The following ERVMER34-1 variants were observed in gnomAD, a reference collection of about 807,000 sequenced individuals.
ERVMER34-1 encodes endogenous retrovirus group MER34 member 1, envelope, also known as endogenous retroviral envelope protein HEMO.
For missense variants in ERVMER34-1, 471 were observed against 295.1 expected, an observed-to-expected ratio of 1.60 and a Z score of -4.37; for synonymous variants, 199 against 111.7, an observed-to-expected ratio of 1.78 and a Z score of -4.93.
At chr4:52,747,225 T>C (rs971152663) in intron 2 of ERVMER34-1, among the ~76,000 whole-genome samples, 3 of 151,798 alleles carry the variant, frequency 2.0e-5, no homozygotes, top group Non-Finnish European at 4.4e-5. Flanking sequence ...TGAGACTCTG[T>C]CTAAAAAACA....
rs753934259 is a variant in ERVMER34-1, at chr4:52,745,072, C to T, written c.449G>A (p.Trp150Ter). Residue 150 changes from tryptophan to a stop codon, truncating the protein, a stop_gained, in exon 3 of 3, where the codon TGG becomes TAG. Coordinates refer to ENST00000443173, the MANE Select transcript of ERVMER34-1 (RefSeq NM_001242690.2). LOFTEE classifies it low-confidence loss of function (END_TRUNC). Reference sequence around the variant, plus strand: ...GAAGGTGCCATCTGTAGAATCAAACCATAGTATTTGATTACAGTATTGTTT... The same window carrying T: ...GAAGGTGCCATCTGTAGAATCAAACTATAGTATTTGATTACAGTATTGTTT... Reference protein sequence around the residue: ...IPKQYCNQILWFDSTDGTFMP... With the variant: ...IPKQYCNQIL The T allele has an allele frequency of 5.7e-6, 4 of 703,954 alleles. No homozygotes were observed. The highest frequency in any genetic ancestry group is 1.0e-5 in the Non-Finnish European group (4 of 384,996). The allele number at this position is 703,954 out of a possible 1,614,324, so 43.6% of individuals were successfully genotyped here.
Position 52,742,745 on chromosome 4 carries a change from C to G in ERVMER34-1, c.*1084G>C, listed in dbSNP as rs1023534665. On this transcript the variant is annotated 3_prime_UTR_variant, in exon 3 of 3. Coordinates refer to ENST00000443173, the MANE Select transcript of ERVMER34-1 (RefSeq NM_001242690.2). ...CATCCTGGCTAACACGGTGAAACCC[C>G]GTCTCTACTAAAAACACAAAAAATT... 4.0e-5 allele frequency: 6 copies of G among 151,896 alleles called. No homozygotes were observed. The highest frequency in any genetic ancestry group is 3.3e-4 in the Admixed American group (5 of 15,238). The allele number at this position is 151,896 out of a possible 1,614,324, so 9.4% of individuals were successfully genotyped here.
chr4:52,750,050 G>A (rs1312085381), intron 2 of ERVMER34-1, among the ~76,000 whole-genome samples: 1 of 152,114 alleles, frequency 6.6e-6, no homozygotes, highest in Non-Finnish European at 1.5e-5. Context: ...TCGGGCTGGA[G>A]TGCAGTGGTG....
At position 52,745,331 on chromosome 4, in the gene ERVMER34-1, T is replaced by C; in HGVS notation, c.190A>G (p.Ser64Gly). 1 of 704,090 alleles carries C rather than the reference T, an allele frequency of 1.4e-6. No homozygotes were observed. Among genetic ancestry groups the C allele is most frequent in the Admixed American group, 2.0e-5 (1 of 50,002 alleles). The allele number at this position is 704,090 out of a possible 1,614,324, so 43.6% of individuals were successfully genotyped here. A position where few individuals can be genotyped will look rare whatever the true frequency, so the allele number is the denominator to read the frequency against. ...GAATAGGTCCACCAGGTGCTTGCACTGGCAGGAACAAAAACTAGTTCGGGT... is the reference window on the plus strand; with the variant it reads ...GAATAGGTCCACCAGGTGCTTGCACCGGCAGGAACAAAAACTAGTTCGGGT... ...EQPELVFVPA[S>G]ASTWWTYSGQ... Residue 64 changes from serine (S) to glycine (G), a missense_variant, in exon 3 of 3, where the codon AGT becomes GGT. Physicochemically the swap from Ser to Gly is moderately conservative, Grantham distance 56 (BLOSUM62 0). Coordinates refer to ENST00000443173, the MANE Select transcript of ERVMER34-1 (RefSeq NM_001242690.2).
In ERVMER34-1 at chr4:52,750,927, T is replaced by C. The variant is rs1355847003; in HGVS notation, c.-424+3A>G. On this transcript the variant is annotated splice_donor_region_variant and intron_variant, in intron 2 of 2. Coordinates refer to ENST00000443173, the MANE Select transcript of ERVMER34-1 (RefSeq NM_001242690.2). ...TTCCTCCCGCTCAAGGGTAGGAACA[T>C]ACCTGCGCTTAAAACTGAGGCTGCC... 6.6e-6 allele frequency: 1 copy of C among 152,108 alleles called. No homozygotes were observed. The highest frequency in any genetic ancestry group is 2.4e-5 in the African/African-American group (1 of 41,384). The allele number at this position is 152,108 out of a possible 1,614,324, so 9.4% of individuals were successfully genotyped here. A position where few individuals can be genotyped will look rare whatever the true frequency, so the allele number is the denominator to read the frequency against.
In ERVMER34-1 at chr4:52,744,382, C is replaced by T; in HGVS notation, c.1139G>A (p.Gly380Glu). ...AATTGCCTTTTCTAAATCATAAGTT[C>T]CCAAACTTGGAAAAAGGGCCCTTAT... ...STIRALFPSL[G>E]TYDLEKAILN... The change falls in exon 3 of 3, where the codon GGA becomes GAA. Residue 380 changes from glycine to glutamate, a missense_variant. Gly to Glu is a moderately conservative substitution (Grantham distance 98). Transcript: ENST00000443173. 1 of 704,036 alleles carries T rather than the reference C, an allele frequency of 1.4e-6. No individual in the cohort carries two copies. The highest frequency in any genetic ancestry group is 2.7e-5 in the East Asian group (1 of 37,280). The allele number at this position is 704,036 out of a possible 1,614,324, so 43.6% of individuals were successfully genotyped here.
rs1464755193 is a variant in ERVMER34-1, at chr4:52,742,812, GGA to G, written c.*1015_*1016del. ...AGGCGCCTGTAGTCCCAGCTACTCAGGAGGGAGGCAGGAGAATGGCATGAACC... is the reference window on the plus strand; with the variant it reads ...AGGCGCCTGTAGTCCCAGCTACTCAGGGGAGGCAGGAGAATGGCATGAACC... On this transcript the variant is annotated 3_prime_UTR_variant, in exon 3 of 3. Transcript: ENST00000443173. 2 of 151,846 alleles carry G rather than the reference GGA, an allele frequency of 1.3e-5. No individual in the cohort carries two copies. Among genetic ancestry groups the G allele is most frequent in the Non-Finnish European group, 2.9e-5 (2 of 68,098 alleles). The allele number at this position is 151,846 out of a possible 1,614,324, so 9.4% of individuals were successfully genotyped here.
chr4:52,747,777 C>A (rs1221109404), intron 2 of ERVMER34-1, among the ~76,000 whole-genome samples: 1 of 152,230 alleles, frequency 6.6e-6, no homozygotes, highest in Non-Finnish European at 1.5e-5. Context: ...GTGGCTCATG[C>A]CTGTAATCCC....
intron 2 of ERVMER34-1, among the ~76,000 whole-genome samples, chr4:52,747,263 T>C (rs1716178223): frequency 6.6e-6 from 1 of 151,916 alleles, no homozygotes; most frequent in Non-Finnish European, 1.5e-5. Context: ...ACAAAAAACC[T>C]TTCCAGCTGA....
chr4:52,745,849 G>A lies in ERVMER34-1; in HGVS notation c.-329C>T, dbSNP rs1448535002. 3 of 278,242 alleles carry A rather than the reference G, an allele frequency of 1.1e-5. No individual in the cohort carries two copies. The highest frequency in any genetic ancestry group is 1.4e-4 in the South Asian group (2 of 14,550). The allele number at this position is 278,242 out of a possible 1,614,324, so 17.2% of individuals were successfully genotyped here. A position where few individuals can be genotyped will look rare whatever the true frequency, so the allele number is the denominator to read the frequency against. On this transcript the variant is annotated 5_prime_UTR_variant, in exon 3 of 3. Transcript: ENST00000443173. ...TCAGGAATTTTATTTTGATGACTATGTAGGTGGTTAGCAGTACTTCATAAG... is the reference window on the plus strand; with the variant it reads ...TCAGGAATTTTATTTTGATGACTATATAGGTGGTTAGCAGTACTTCATAAG...
Position 52,744,272 on chromosome 4 carries a change from C to G in ERVMER34-1, c.1249G>C (p.Ala417Pro). 1 of 704,126 alleles carries G rather than the reference C, an allele frequency of 1.4e-6. No individual in the cohort carries two copies. Among genetic ancestry groups the G allele is most frequent in the Non-Finnish European group, 2.6e-6 (1 of 385,008 alleles). The allele number at this position is 704,126 out of a possible 1,614,324, so 43.6% of individuals were successfully genotyped here. ...EAHQSKVSSL[A>P]SASRKDHVLD... ...ACATGATCCTTTCGGGATGCAGAGG[C>G]TAAACTGCTAACTTTTGATTGGTGT... The change falls in exon 3 of 3, where the codon GCC becomes CCC. Residue 417 changes from alanine to proline, a missense_variant. Coordinates refer to ENST00000443173, the MANE Select transcript of ERVMER34-1 (RefSeq NM_001242690.2).
chr4:52,744,378 A>G lies in ERVMER34-1; in HGVS notation c.1143T>C (p.Thr381=), dbSNP rs754369709. The change falls in exon 3 of 3, where the codon ACT becomes ACC. Residue 381 remains threonine (T), a synonymous_variant. Transcript: ENST00000443173. ...TTAGAATTGCCTTTTCTAAATCATA[A>G]GTTCCCAAACTTGGAAAAAGGGCCC... ...TIRALFPSLG[T]YDLEKAILNI... 7.4e-5 allele frequency: 52 copies of G among 704,014 alleles called. No individual in the cohort carries two copies. Among genetic ancestry groups the G allele is most frequent in the Non-Finnish European group, 1.1e-4 (42 of 385,012 alleles). 43.6% of individuals were successfully genotyped at this position (704,014 alleles called of 1,614,324 possible).
At chr4:52,746,367 G>A (rs969567807) in intron 2 of ERVMER34-1, among the ~76,000 whole-genome samples, 4 of 152,138 alleles carry the variant, frequency 2.6e-5, no homozygotes, top group African/African-American at 9.7e-5. Context: ...CTGGCCGTCT[G>A]AGTCCAGTTT....
rs1716126590 is a variant in ERVMER34-1 at position 52,745,384 on chromosome 4, A to C, written c.137T>G (p.Leu46Ter). 4 of 704,028 alleles carry C rather than the reference A, an allele frequency of 5.7e-6. No homozygotes were observed. The South Asian group carries it at 5.9e-5, about 10-fold the overall frequency. The allele number at this position is 704,028 out of a possible 1,614,324, so 43.6% of individuals were successfully genotyped here. Reference sequence around the variant, plus strand: ...TTCTGCATTATCTAGATGTTCACATAACCAGCAATTAGACTGATTAGTCAA... The same window carrying C: ...TTCTGCATTATCTAGATGTTCACATCACCAGCAATTAGACTGATTAGTCAA... ...SILTNQSNCW[L>*]CEHLDNAEQP... Residue 46 changes from leucine (L) to a stop codon, truncating the protein, a stop_gained, in exon 3 of 3, where the codon TTA becomes TGA. Transcript: ENST00000443173. LOFTEE classifies it low-confidence loss of function (END_TRUNC).
Position 52,744,801 on chromosome 4 carries a change from C to T in ERVMER34-1, c.720G>A (p.Leu240=), listed in dbSNP as rs575739834. The change falls in exon 3 of 3, where the codon CTG becomes CTA. Residue 240 remains leucine, a synonymous_variant. Coordinates refer to ENST00000443173, the MANE Select transcript of ERVMER34-1 (RefSeq NM_001242690.2). ...AAAATAGGTTGCGAAATAGCTGGTA[C>T]AGAAGGCCTTTGGTTTGGTTTTGGC... ...YSCQNQTKGL[L]YQLFRNLFCS... The T allele has an allele frequency of 2.8e-5, 20 of 704,102 alleles. 1 individual carries two copies. In the South Asian group the frequency reaches 3.0e-4, roughly 10 times the overall value. 43.6% of individuals were successfully genotyped at this position (704,102 alleles called of 1,614,324 possible).
In ERVMER34-1 at chr4:52,745,032, A is replaced by G; in HGVS notation, c.489T>C (p.Asp163=). Residue 163 remains aspartate, a synonymous_variant, in exon 3 of 3, where the codon GAT becomes GAC. Transcript: ENST00000443173. The part of the protein sequence containing the change: ...STDGTFMPSI[D]VTNESRNDDD... ...CATCGTTCCTGGATTCATTTGTAAC[A>G]TCTATAGAGGGCATGAAGGTGCCAT... 2.8e-6 allele frequency: 2 copies of G among 704,176 alleles called. No individual in the cohort carries two copies. The highest frequency in any genetic ancestry group is 5.2e-6 in the Non-Finnish European group (2 of 385,014). 43.6% of individuals were successfully genotyped at this position (704,176 alleles called of 1,614,324 possible). A position where few individuals can be genotyped will look rare whatever the true frequency, so the allele number is the denominator to read the frequency against.
At position 52,744,128 on chromosome 4, in the gene ERVMER34-1, A is replaced by T; in HGVS notation, c.1393T>A (p.Ser465Thr). 1 of 704,164 alleles carries T rather than the reference A, an allele frequency of 1.4e-6. No homozygotes were observed. Among genetic ancestry groups the T allele is most frequent in the African/African-American group, 1.7e-5 (1 of 57,378 alleles). The allele number at this position is 704,164 out of a possible 1,614,324, so 43.6% of individuals were successfully genotyped here. ...AACGGTACATTCTTCAGGTTCTCGG[A>T]TGCTTCGTGGAGACGCTGTATATTA... is the stretch of plus-strand genomic sequence containing the variant. ...KSNIQRLHEA[S>T]ENLKNVPLLD... The change falls in exon 3 of 3, where the codon TCC becomes ACC. Residue 465 changes from serine (S) to threonine (T), a missense_variant. Coordinates refer to ENST00000443173, the MANE Select transcript of ERVMER34-1 (RefSeq NM_001242690.2).
chr4:52,743,652 A>G lies in ERVMER34-1; in HGVS notation c.*177T>C. On this transcript the variant is annotated 3_prime_UTR_variant, in exon 3 of 3. Coordinates refer to ENST00000443173, the MANE Select transcript of ERVMER34-1 (RefSeq NM_001242690.2). ...TGTCTTAAGGCTTCAGAATGAAACT[A>G]CAAAAAGTTCTGATAAGGCTTATTT... 1.8e-6 allele frequency: 1 copy of G among 561,726 alleles called. No homozygotes were observed. The highest frequency in any genetic ancestry group is 3.1e-6 in the Non-Finnish European group (1 of 326,496). 34.8% of individuals were successfully genotyped at this position (561,726 alleles called of 1,614,324 possible). A position where few individuals can be genotyped will look rare whatever the true frequency, so the allele number is the denominator to read the frequency against.
chr4:52,748,584 C>T (rs893550326), intron 2 of ERVMER34-1, among the ~76,000 whole-genome samples: 7 of 152,176 alleles, frequency 4.6e-5, no homozygotes, highest in African/African-American at 1.4e-4. Context: ...CTCCTGATCT[C>T]GAAGGCAGGT....
Sources: allele counts gnomAD v4.1 joint callset (sites outside exome capture counted in the v4.1 genomes callset), GRCh38; gene constraint gnomAD v4.1.1; transcripts MANE v1.5; gene names NCBI Gene and HGNC (gene_info 2026-07-23, HGNC 2026-07-21).